The following ANAPC1 variants were observed in gnomAD, a reference collection of about 807,000 sequenced individuals.
ANAPC1 encodes anaphase promoting complex subunit 1, also known as anaphase-promoting complex subunit 1.
ANAPC1 carries 36 observed loss-of-function variants against 208.0 expected under a neutral mutation model. The observed-to-expected ratio is 0.17, with a 90% CI of 0.13 to 0.23. The LOEUF is 0.23. Among genes scored for constraint, ANAPC1 ranks in the 10% least tolerant of loss-of-function variants. The probability of loss-of-function intolerance (pLI) is 1.00; values close to 1 mark genes in which losing one functional copy is unlikely to be tolerated. For missense variants in ANAPC1, 942 were observed against 2,011.6 expected (o/e 0.47, Z 10.17); for synonymous variants, 378 against 695.2 (o/e 0.54, Z 7.18).
In ANAPC1 at chr2:111,793,618, C is replaced by CT. The variant is rs1165563580; in HGVS notation, c.4518+459dup. Among the ~76,000 whole-genome samples the CT allele has an allele frequency of 2.3e-3, 280 of 122,930 alleles. 1 individual carries two copies. The highest frequency in any genetic ancestry group is 8.1e-3 in the African/African-American group (268 of 32,960). 80.6% of individuals were successfully genotyped at this position (122,930 alleles called of 152,430 possible). On this transcript the variant is annotated intron_variant, in intron 37 of 47. Transcript: ENST00000341068. ...TCAAATTTAATTAACTACTTTTAGA[C>CT]TTTTTTGATGTTTCTAACTTTTCCA...
intron 7 of ANAPC1, among the ~76,000 whole-genome samples, chr2:111,867,208 T>C (rs1199614202): frequency 6.6e-6 from 1 of 151,856 alleles, no homozygotes; most frequent in Non-Finnish European, 1.5e-5. Flanking sequence ...GATAATCGCT[T>C]GAACCCAGGA....
Position 111,856,380 on chromosome 2 carries a change from C to T in ANAPC1, c.1515+234G>A, listed in dbSNP as rs189886306. ...CTACCTATACTCATTGAAGGTTTCCCATCTGTGACAGGTTTAGAGTACCAA... is the reference window on the plus strand; with the variant it reads ...CTACCTATACTCATTGAAGGTTTCCTATCTGTGACAGGTTTAGAGTACCAA... On this transcript the variant is annotated intron_variant, in intron 13 of 47. Coordinates refer to ENST00000341068, the MANE Select transcript of ANAPC1 (RefSeq NM_022662.4). 1.1e-3 allele frequency: 544 copies of T among 490,556 alleles called. 2 individuals are homozygous for T. Among genetic ancestry groups the T allele is most frequent in the African/African-American group, 9.9e-3 (504 of 50,812 alleles). 30.4% of individuals were successfully genotyped at this position (490,556 alleles called of 1,614,324 possible).
At chr2:111,783,209 A>C (rs2685995) in intron 42 of ANAPC1, among the ~76,000 whole-genome samples, 4 of 152,188 alleles carry the variant, frequency 2.6e-5, no homozygotes, top group Non-Finnish European at 2.9e-5. Flanking sequence ...TCTTTTGTGC[A>C]TGTACAAATC....
chr2:111,860,803 AC>A (rs1477030874), intron 10 of ANAPC1, among the ~76,000 whole-genome samples: 1 of 151,730 alleles, frequency 6.6e-6, no homozygotes, highest in Admixed American at 6.6e-5. Context: ...CTGGATTTTA[AC>A]TATTTGGAGG....
At chr2:111,844,850 T>C (rs557027039) in intron 16 of ANAPC1, among the ~76,000 whole-genome samples, 38 of 152,254 alleles carry the variant, frequency 2.5e-4, no homozygotes, top group African/African-American at 8.7e-4. Context: ...TACACCATTC[T>C]TTTTTTGGTA....
At chr2:111,821,146 A>G (rs1679509573) in intron 26 of ANAPC1, 93 bp downstream of exon 26, 1 of 1,434,624 alleles carries the variant, frequency 7.0e-7, no homozygotes. Context: ...TTAGGGTTTT[A>G]AATGCTAAAA....
At chr2:111,862,284 A>G in intron 10 of ANAPC1, 105 bp downstream of exon 10, 1 of 1,053,932 alleles carries the variant, frequency 9.5e-7, no homozygotes, top group Non-Finnish European at 1.3e-6. Flanking sequence ...TTTTACATAT[A>G]TTAATAACTG....
chr2:111,875,639 C>T (rs559154383), intron 3 of ANAPC1, among the ~76,000 whole-genome samples: 1 of 152,250 alleles, frequency 6.6e-6, no homozygotes, highest in African/African-American at 2.4e-5. Context: ...CTTCTCAAAA[C>T]ACAAAATTGA....
At position 111,767,695 on chromosome 2, in the gene ANAPC1, G is replaced by A. The variant is rs1473855217; in HGVS notation, c.*1596C>T. On this transcript the variant is annotated 3_prime_UTR_variant, in exon 48 of 48. Coordinates refer to ENST00000341068, the MANE Select transcript of ANAPC1 (RefSeq NM_022662.4). Reference sequence around the variant, plus strand: ...AGCACACAATCGTAAACAACGGAGAGTGAAGACAGTAACAACTGGTTTGAT... The same window carrying A: ...AGCACACAATCGTAAACAACGGAGAATGAAGACAGTAACAACTGGTTTGAT... 8.0e-6 allele frequency: 1 copy of A among 124,352 alleles called. No homozygotes were observed. Among genetic ancestry groups the A allele is most frequent in the Non-Finnish European group, 1.7e-5 (1 of 58,524 alleles). The allele number at this position is 124,352 out of a possible 1,614,324, so 7.7% of individuals were successfully genotyped here.
rs1303985876 is a variant in ANAPC1, at chr2:111,807,656, T to C, written c.3832+1291A>G. ...GCAATGAGCCAAGATTGCACCACTG[T>C]ACTCCAGGCTGGGCAACAGAGCAAG... On this transcript the variant is annotated intron_variant, in intron 29 of 47. Coordinates refer to ENST00000341068, the MANE Select transcript of ANAPC1 (RefSeq NM_022662.4). 4.6e-5 allele frequency among the ~76,000 whole-genome samples: 7 copies of C among 151,764 alleles called. No homozygotes were observed. The South Asian group carries it at 1.5e-3, about 32-fold the overall frequency.
intron 47 of ANAPC1, among the ~76,000 whole-genome samples, chr2:111,770,230 A>ATATATATATATATATAC (rs1558652585): frequency 2.0e-4 from 18 of 89,408 alleles, no homozygotes; most frequent in African/African-American, 6.7e-4. Flanking sequence ...TATATATATA[A>ATATATATATATATATAC]ATTCTTTAAA....
rs528395736 is a variant in ANAPC1 at position 111,875,012 on chromosome 2, A to G, written c.376-1348T>C. Among the ~76,000 whole-genome samples, 3 of 152,306 alleles carry G rather than the reference A, an allele frequency of 2.0e-5. No homozygotes were observed. In the East Asian group the frequency reaches 5.8e-4, roughly 29 times the overall value. On this transcript the variant is annotated intron_variant, in intron 3 of 47. Transcript: ENST00000341068. ...CGTGTAACTTTTTGAGAAATCGCCAAACTTTTCCACAGCAGCTATGTTACA... is the reference window on the plus strand; with the variant it reads ...CGTGTAACTTTTTGAGAAATCGCCAGACTTTTCCACAGCAGCTATGTTACA...
chr2:111,821,805 T>C, intron 25 of ANAPC1: 2 of 276,686 alleles, frequency 7.2e-6, no homozygotes, highest in South Asian at 8.6e-5. Context: ...TTTAACTTTC[T>C]ACTTGCAGGA....
rs1156702851 is a variant in ANAPC1, at chr2:111,864,463, C to CTTTTTTT, written c.831+336_831+342dup. Among the ~76,000 whole-genome samples, 8 of 95,184 alleles carry CTTTTTTT rather than the reference C, an allele frequency of 8.4e-5. 2 individuals are homozygous for CTTTTTTT. The highest frequency in any genetic ancestry group is 1.5e-4 in the Non-Finnish European group (8 of 52,832). The allele number at this position is 95,184 out of a possible 152,430, so 62.4% of individuals were successfully genotyped here. A position where few individuals can be genotyped will look rare whatever the true frequency, so the allele number is the denominator to read the frequency against. ...AACTACTCTTTCATATATATATATACTTTTTTTTTTTTTTTTTTTGAGATG... is the reference window on the plus strand; with the variant it reads ...AACTACTCTTTCATATATATATATACTTTTTTTTTTTTTTTTTTTTTTTTTTGAGATG... On this transcript the variant is annotated intron_variant, in intron 8 of 47. Coordinates refer to ENST00000341068, the MANE Select transcript of ANAPC1 (RefSeq NM_022662.4).
intron 1 of ANAPC1, among the ~76,000 whole-genome samples, chr2:111,881,724 A>G (rs567098203): frequency 2.8e-4 from 43 of 152,166 alleles, no homozygotes; most frequent in Non-Finnish European, 5.9e-4. Context: ...ATGTTCCTAT[A>G]GACAGCATTT....
Position 111,817,687 on chromosome 2 carries a change from T to C in ANAPC1, c.3325+1153A>G, listed in dbSNP as rs1475822495. On this transcript the variant is annotated intron_variant, in intron 27 of 47. Transcript: ENST00000341068. ...TCTGGATTTTTTAAAGTATGCAATT[T>C]AAAATACTGTATAATTATGTTTGCA... Among the ~76,000 whole-genome samples the C allele has an allele frequency of 2.4e-3, 359 of 149,108 alleles. 2 individuals are homozygous for C. The highest frequency in any genetic ancestry group is 4.4e-3 in the Non-Finnish European group (294 of 67,124).
At chr2:111,773,034 A>T (rs935371010) in intron 46 of ANAPC1, among the ~76,000 whole-genome samples, 1 of 152,152 alleles carries the variant, frequency 6.6e-6, no homozygotes, top group African/African-American at 2.4e-5. Flanking sequence ...TCCATAAACC[A>T]CACTTTGAGA....
chr2:111,825,476 T>C (rs1039803946), intron 22 of ANAPC1, among the ~76,000 whole-genome samples: 7 of 152,144 alleles, frequency 4.6e-5, no homozygotes, highest in Non-Finnish European at 1.5e-5. Flanking sequence ...CTGAAAAGAA[T>C]TTCATTGTAA....
intron 1 of ANAPC1, 83 bp from the exon 2 acceptor site, chr2:111,880,932 C>T (rs751353297): frequency 8.8e-6 from 11 of 1,249,680 alleles, no homozygotes; most frequent in Non-Finnish European, 1.2e-5. Flanking sequence ...GTCATTAATC[C>T]TTACATGGGT....
Sources: allele counts gnomAD v4.1 joint callset (sites outside exome capture counted in the v4.1 genomes callset), GRCh38; gene constraint gnomAD v4.1.1; transcripts MANE v1.5; gene names NCBI Gene and HGNC (gene_info 2026-07-23, HGNC 2026-07-21).